TCP11: variants seen among roughly 807,000 people sequenced by gnomAD.
TCP11 encodes T-complex protein 11 homolog.
In TCP11, 34 loss-of-function variants were observed where a neutral mutation model predicts 45.0. The observed-to-expected ratio is 0.76, with a 90% CI of 0.57 to 1.01. The LOEUF is 1.01. TCP11 is among the 50% of genes least tolerant of loss of function. TCP11 has a pLI of 0.00. For synonymous variants in TCP11, 227 were observed against 227.0 expected (o/e 1.00, Z 0.00); for missense variants, 523 against 598.1 (o/e 0.87, Z 1.31).
At chr6:35,123,726 A>C (rs1223327996) in intron 4 of TCP11, among the ~76,000 whole-genome samples, 1 of 140,160 alleles carries the variant, frequency 7.1e-6, no homozygotes, top group African/African-American at 2.7e-5. Flanking sequence ...GTCTCAATCT[A>C]TCCTCCTGCC....
rs1779074831 is a variant in TCP11, at chr6:35,120,237, C to T, written c.1037G>A (p.Ser346Asn). 1 of 1,614,154 alleles carries T rather than the reference C, an allele frequency of 6.2e-7. No homozygotes were observed. Among genetic ancestry groups the T allele is most frequent in the South Asian group, 1.1e-5 (1 of 91,086 alleles). ...AAATTGGGGTGAGCCAAACAAAACA[C>T]TGCCGGAGAAACTACTGGCCACCAG... ...VLLVASSFSG[S>N]VLFGSPQFVD... Residue 346 changes from serine to asparagine, a missense_variant, in exon 8 of 10, where the codon AGT becomes AAT. Ser to Asn is a conservative substitution (Grantham distance 46). Coordinates refer to ENST00000311875, the MANE Select transcript of TCP11 (RefSeq NM_001370687.1). The surrounding 1 kb of genome is among the most constrained non-coding windows in gnomAD (Gnocchi z 4.9).
Position 35,130,186 on chromosome 6 carries a change from C to T in TCP11, c.237-1004G>A, listed in dbSNP as rs1780240818. 2.6e-5 allele frequency among the ~76,000 whole-genome samples: 4 copies of T among 152,140 alleles called. No individual in the cohort carries two copies. The South Asian group carries it at 8.3e-4, about 31-fold the overall frequency. ...AGAATCTAAACACAAGCCTTAAACT[C>T]TTCACAAAAGTTAACTCAAAATGGA... On this transcript the variant is annotated intron_variant, in intron 3 of 9. Transcript: ENST00000311875.
Position 35,138,727 on chromosome 6 carries a change from TAA to T in TCP11, c.124+2018_124+2019del, listed in dbSNP as rs544394898. On this transcript the variant is annotated intron_variant, in intron 2 of 9. Coordinates refer to ENST00000311875, the MANE Select transcript of TCP11 (RefSeq NM_001370687.1). ...ATTTAGTTGCACATTTTAAAATAACTAAAAGAGTATAATTGGATTGTTTGTAA... is the reference window on the plus strand; with the variant it reads ...ATTTAGTTGCACATTTTAAAATAACTAAGAGTATAATTGGATTGTTTGTAA... Among the ~76,000 whole-genome samples, 72 of 152,244 alleles carry T rather than the reference TAA, an allele frequency of 4.7e-4. 4 individuals carry two copies. Among genetic ancestry groups the T allele is most frequent in the African/African-American group, 1.6e-3 (68 of 41,540 alleles).
intron 4 of TCP11, among the ~76,000 whole-genome samples, chr6:35,127,798 T>C (rs1251130463): frequency 2.6e-5 from 4 of 152,342 alleles, no homozygotes; most frequent in Middle Eastern, 3.4e-3. Flanking sequence ...AATAGCTATC[T>C]GTCTTGTAAG....
At position 35,118,626 on chromosome 6, in the gene TCP11, G is replaced by C. The variant is rs151334281; in HGVS notation, c.1280-125C>G. The C allele has an allele frequency of 6.3e-5, 51 of 809,742 alleles. 1 individual carries two copies. In the African/African-American group the frequency reaches 7.1e-4, roughly 11 times the overall value. 50.2% of individuals were successfully genotyped at this position (809,742 alleles called of 1,614,324 possible). A position where few individuals can be genotyped will look rare whatever the true frequency, so the allele number is the denominator to read the frequency against. On this transcript the variant is annotated intron_variant, in intron 9 of 9. Transcript: ENST00000311875. ...ATGTACCAACCTGCCCCCCTACCTAGAGATAATGAAATTTGTTTTGTTTGG... is the reference window on the plus strand; with the variant it reads ...ATGTACCAACCTGCCCCCCTACCTACAGATAATGAAATTTGTTTTGTTTGG...
intron 3 of TCP11, among the ~76,000 whole-genome samples, chr6:35,135,906 G>A (rs970322221): frequency 6.6e-6 from 1 of 152,174 alleles, no homozygotes; most frequent in Non-Finnish European, 1.5e-5. Context: ...TTTATTTGTT[G>A]ACTAAGTAAC....
At chr6:35,125,421 G>A (rs1200923187) in intron 4 of TCP11, among the ~76,000 whole-genome samples, 6 of 152,130 alleles carry the variant, frequency 3.9e-5, no homozygotes, top group Admixed American at 2.6e-4. Flanking sequence ...ACGAACAGAT[G>A]CTCAATATCA....
At chr6:35,139,201 T>TAA (rs11431249) in intron 2 of TCP11, among the ~76,000 whole-genome samples, 83 of 131,774 alleles carry the variant, frequency 6.3e-4, no homozygotes, top group Admixed American at 1.2e-3. Flanking sequence ...AGCTAGTTTA[T>TAA]AAAAAAAAAA....
chr6:35,118,259 G>GCCGAC lies in TCP11; in HGVS notation c.*5_*9dup. ...TGGGTCCAAGGTACCAGGGCTCTGA[G>GCCGAC]CCGACGCTATCAAACAGACTCCACT... On this transcript the variant is annotated 3_prime_UTR_variant, in exon 10 of 10. Transcript: ENST00000311875. 1 of 1,612,696 alleles carries GCCGAC rather than the reference G, an allele frequency of 6.2e-7. No homozygotes were observed.
At chr6:35,122,990 G>A (rs1161918076) in intron 4 of TCP11, among the ~76,000 whole-genome samples, 1 of 152,128 alleles carries the variant, frequency 6.6e-6, no homozygotes, top group Non-Finnish European at 1.5e-5. Context: ...TACCAATTTG[G>A]AGCCTCTCAG....
chr6:35,121,987 A>C (rs1779310923), intron 5 of TCP11, 130 bp downstream of exon 5: 2 of 865,874 alleles, frequency 2.3e-6, no homozygotes, highest in Admixed American at 4.7e-5. Context: ...CAGAGGGGAG[A>C]AAAAGGGTGT....
rs1487269140 is a variant in TCP11 at position 35,120,352 on chromosome 6, G to GGAA, written c.934-15_934-13dup. The GGAA allele has an allele frequency of 6.2e-7, 1 of 1,609,718 alleles. No individual in the cohort carries two copies. The highest frequency in any genetic ancestry group is 1.3e-5 in the African/African-American group (1 of 74,802). Reference sequence around the variant, plus strand: ...TCCATCAGCAGGGTCTGGGAACCAGGGAAGAACAGGCTGTCAGGGGAAGTC... The same window carrying GGAA: ...TCCATCAGCAGGGTCTGGGAACCAGGGAAGAAGAACAGGCTGTCAGGGGAAGTC... On this transcript the variant is annotated splice_polypyrimidine_tract_variant and intron_variant, in intron 7 of 9. Coordinates refer to ENST00000311875, the MANE Select transcript of TCP11 (RefSeq NM_001370687.1). The surrounding 1 kb of genome is among the most constrained non-coding windows in gnomAD (Gnocchi z 4.9).
At position 35,126,419 on chromosome 6, in the gene TCP11, C is replaced by T. The variant is rs79029757; in HGVS notation, c.357+2643G>A. On this transcript the variant is annotated intron_variant, in intron 4 of 9. Coordinates refer to ENST00000311875, the MANE Select transcript of TCP11 (RefSeq NM_001370687.1). ...CAGCTGTCCTGGGTCTTTGCCTACT[C>T]CATTGCATTGCATCTGCTCAAGGAA... Among the ~76,000 whole-genome samples the T allele has an allele frequency of 4.5e-4, 69 of 152,270 alleles. No homozygotes were observed. In the East Asian group the frequency reaches 0.012, roughly 27 times the overall value.
chr6:35,123,353 C>T (rs1388865934), intron 4 of TCP11, among the ~76,000 whole-genome samples: 1 of 152,134 alleles, frequency 6.6e-6, no homozygotes, highest in Non-Finnish European at 1.5e-5. Flanking sequence ...AGGGGCCTGT[C>T]ACCTCAGTAA....
At chr6:35,126,650 CTTTTTTTTTTTTT>C (rs56010838) in intron 4 of TCP11, among the ~76,000 whole-genome samples, 3 of 66,882 alleles carry the variant, frequency 4.5e-5, no homozygotes, top group East Asian at 9.7e-4. Flanking sequence ...GAATCAAAGA[CTTTTTTTTTTTTT>C]TTTTTTTTTT....
At chr6:35,134,526 G>A (rs1562006961) in intron 3 of TCP11, among the ~76,000 whole-genome samples, 2 of 151,762 alleles carry the variant, frequency 1.3e-5, no homozygotes, top group African/African-American at 4.8e-5. Context: ...TGATCCACCC[G>A]CCTTTGCCTC....
At position 35,131,844 on chromosome 6, in the gene TCP11, C is replaced by G. The variant is rs545593106; in HGVS notation, c.237-2662G>C. 1.2e-3 allele frequency among the ~76,000 whole-genome samples: 186 copies of G among 152,208 alleles called. 1 individual carries two copies. Among genetic ancestry groups the G allele is most frequent in the African/African-American group, 4.4e-3 (181 of 41,514 alleles). On this transcript the variant is annotated intron_variant, in intron 3 of 9. Coordinates refer to ENST00000311875, the MANE Select transcript of TCP11 (RefSeq NM_001370687.1). The stretch of plus-strand genomic sequence containing the variant: ...CTCCAACTCCTAGTTGCAAGTGATC[C>G]ACTCGCCTCGGCCTCCCAAAATGCT...
chr6:35,131,538 A>G (rs1184248181), intron 3 of TCP11, among the ~76,000 whole-genome samples: 1 of 152,218 alleles, frequency 6.6e-6, no homozygotes, highest in Non-Finnish European at 1.5e-5. Context: ...ACCGCACTCC[A>G]GCCTGGGTGA....
chr6:35,121,099 G>A (rs1438794780), intron 5 of TCP11, 54 bp from the exon 6 acceptor site: 1 of 1,520,222 alleles, frequency 6.6e-7, no homozygotes, highest in East Asian at 2.3e-5. Context: ...ACCCACCCAA[G>A]GAGTCATTAA....
Sources: gnomAD v4.1 joint callset for allele counts (sites outside exome capture counted in the v4.1 genomes callset) on GRCh38, gnomAD v4.1.1 for gene constraint, Gnocchi (gnomAD v3.1) non-coding constraint, MANE v1.5 for transcripts, NCBI Gene and HGNC (gene_info 2026-07-23, HGNC 2026-07-21) for gene names.